SLC25A16: variants seen among roughly 807,000 people sequenced by gnomAD.
SLC25A16 encodes mitochondrial coenzyme A transporter SLC25A16.
Under a neutral mutation model 41.5 loss-of-function variants are expected in SLC25A16, and 39 were observed. The ratio of observed to expected loss-of-function variants is 0.94; its 90% CI spans 0.73 to 1.23. SLC25A16 has a LOEUF of 1.23. Ranked by LOEUF, SLC25A16 falls within the 50% of genes most tolerant of loss-of-function variation. The pLI, the probability that SLC25A16 is intolerant of heterozygous loss-of-function variation, is 0.00. For missense variants in SLC25A16, 421 were observed against 426.9 expected, an observed-to-expected ratio of 0.99 and a Z score of 0.12; for synonymous variants, 146 against 147.8, an observed-to-expected ratio of 0.99 and a Z score of 0.09.
At position 68,509,727 on chromosome 10, in the gene SLC25A16, C is replaced by CTA. The variant is rs556746216; in HGVS notation, c.224-3011_224-3010dup. ...CAAAAAAAAAAATCTATATATCTAT[C>CTA]TATCTATATATATATCTATATATAT... On this transcript the variant is annotated intron_variant, in intron 2 of 8. Coordinates refer to ENST00000609923, the MANE Select transcript of SLC25A16 (RefSeq NM_152707.4). Among the ~76,000 whole-genome samples, 649 of 140,068 alleles carry CTA rather than the reference C, an allele frequency of 4.6e-3. 7 individuals carry two copies. Among genetic ancestry groups the CTA allele is most frequent in the African/African-American group, 0.017 (610 of 36,966 alleles). The allele number at this position is 140,068 out of a possible 152,430, so 91.9% of individuals were successfully genotyped here.
chr10:68,490,337 G>C (rs935935301), intron 6 of SLC25A16, among the ~76,000 whole-genome samples: 3 of 150,754 alleles, frequency 2.0e-5, no homozygotes, highest in Non-Finnish European at 4.4e-5. Flanking sequence ...ACTGGGAAAA[G>C]AAGAGACTTT....
chr10:68,496,520 G>C (rs2052752030), intron 4 of SLC25A16: 1 of 984,422 alleles, frequency 1.0e-6, no homozygotes, highest in African/African-American at 1.7e-5. Context: ...TACCTACCAG[G>C]AAGCAATGAG....
At chr10:68,496,516 C>T in intron 4 of SLC25A16, 1 of 984,800 alleles carries the variant, frequency 1.0e-6, no homozygotes, top group Non-Finnish European at 1.2e-6. Context: ...TGTTTACCTA[C>T]CAGGAAGCAA....
intron 4 of SLC25A16, among the ~76,000 whole-genome samples, chr10:68,498,256 G>C (rs1358877278): frequency 6.6e-6 from 1 of 151,936 alleles, no homozygotes; most frequent in Admixed American, 6.6e-5. Context: ...CAAACACGTA[G>C]GAAGCTTGTT....
intron 2 of SLC25A16, among the ~76,000 whole-genome samples, chr10:68,511,199 C>T (rs1419078223): frequency 6.6e-6 from 1 of 152,140 alleles, no homozygotes; most frequent in East Asian, 1.9e-4. Context: ...CAAGATCACA[C>T]CATTGCACTC....
Position 68,503,708 on chromosome 10 carries a change from A to C in SLC25A16, c.358-13T>G. 3 of 1,541,192 alleles carry C rather than the reference A, an allele frequency of 1.9e-6. No homozygotes were observed. Among genetic ancestry groups the C allele is most frequent in the Non-Finnish European group, 2.7e-6 (3 of 1,117,794 alleles). On this transcript the variant is annotated splice_polypyrimidine_tract_variant and intron_variant, in intron 3 of 8. Transcript: ENST00000609923. ...TCGTAGTAATTAACTAGAAAACAAG[A>C]ACACTGAATTAAATGAGATATTTTT...
intron 6 of SLC25A16, 31 bp downstream of exon 6, chr10:68,493,101 A>C: frequency 7.7e-7 from 1 of 1,291,828 alleles, no homozygotes; most frequent in Non-Finnish European, 1.1e-6. Context: ...TTAAACATGC[A>C]TATTAGGATT....
intron 4 of SLC25A16, among the ~76,000 whole-genome samples, chr10:68,494,585 A>G (rs563195715): frequency 3.0e-4 from 45 of 149,344 alleles, no homozygotes; most frequent in African/African-American, 1.0e-3. Context: ...GGTTTAATAG[A>G]AAATCACTGT....
intron 8 of SLC25A16, among the ~76,000 whole-genome samples, chr10:68,485,681 C>T (rs908211318): frequency 5.9e-5 from 9 of 151,942 alleles, no homozygotes; most frequent in Non-Finnish European, 1.2e-4. Context: ...CTGCGACAGG[C>T]CTTTTTTGTT....
intron 8 of SLC25A16, among the ~76,000 whole-genome samples, chr10:68,486,545 T>C (rs2052566752): frequency 6.6e-6 from 1 of 151,954 alleles, no homozygotes; most frequent in African/African-American, 2.4e-5. Flanking sequence ...GGCTAATTTT[T>C]GTATTTTTAG....
intron 1 of SLC25A16, among the ~76,000 whole-genome samples, chr10:68,526,196 C>G (rs942748791): frequency 6.6e-6 from 1 of 151,280 alleles, no homozygotes; most frequent in Admixed American, 6.6e-5. Context: ...TGGAATGTCT[C>G]GGTATAAAAC....
rs1386270208 is a variant in SLC25A16 at position 68,479,321 on chromosome 10, A to C, written c.*4111T>G. 6.6e-6 allele frequency: 1 copy of C among 152,168 alleles called. No homozygotes were observed. The highest frequency in any genetic ancestry group is 1.5e-5 in the Non-Finnish European group (1 of 68,064). The allele number at this position is 152,168 out of a possible 1,614,324, so 9.4% of individuals were successfully genotyped here. A position where few individuals can be genotyped will look rare whatever the true frequency, so the allele number is the denominator to read the frequency against. ...GATATTGGGATGTGGGGACACTGAT[A>C]AACAGGCAGTTAGCAGAAAGTGTGG... On this transcript the variant is annotated 3_prime_UTR_variant, in exon 9 of 9. Coordinates refer to ENST00000609923, the MANE Select transcript of SLC25A16 (RefSeq NM_152707.4).
intron 7 of SLC25A16, 131 bp downstream of exon 7, chr10:68,488,331 TATTAA>T (rs2052599172): frequency 1.8e-6 from 1 of 560,246 alleles, no homozygotes; most frequent in African/African-American, 2.0e-5. Context: ...TGAAAAAATG[TATTAA>T]ATTGAGACCT....
rs1206561726 is a variant in SLC25A16 at position 68,481,340 on chromosome 10, A to G, written c.*2092T>C. Reference sequence around the variant, plus strand: ...ACTTATAAATCATACAAAGATACATACTTATTTTTAAAATAAAGGCTTTCA... The same window carrying G: ...ACTTATAAATCATACAAAGATACATGCTTATTTTTAAAATAAAGGCTTTCA... On this transcript the variant is annotated 3_prime_UTR_variant, in exon 9 of 9. Transcript: ENST00000609923. 6.6e-6 allele frequency: 1 copy of G among 152,158 alleles called. No individual in the cohort carries two copies. 9.4% of individuals were successfully genotyped at this position (152,158 alleles called of 1,614,324 possible). A position where few individuals can be genotyped will look rare whatever the true frequency, so the allele number is the denominator to read the frequency against.
intron 1 of SLC25A16, among the ~76,000 whole-genome samples, chr10:68,518,539 G>T (rs2053197897): frequency 6.6e-6 from 1 of 151,968 alleles, no homozygotes; most frequent in African/African-American, 2.4e-5. Context: ...ACTTTGGGAG[G>T]CCGAGGCGGG....
intron 6 of SLC25A16, among the ~76,000 whole-genome samples, chr10:68,489,139 C>G (rs1198424865): frequency 2.0e-5 from 3 of 152,086 alleles, no homozygotes; most frequent in African/African-American, 4.8e-5. Flanking sequence ...TGTGGTGGCG[C>G]ATGCCTGTAA....
At chr10:68,506,804 G>T in intron 2 of SLC25A16, 86 bp from the exon 3 acceptor site, 2 of 748,488 alleles carry the variant, frequency 2.7e-6, no homozygotes, top group South Asian at 2.4e-5. Flanking sequence ...AGATTAATGT[G>T]CCATCACTCA....
chr10:68,514,328 C>A lies in SLC25A16; in HGVS notation c.223+2423G>T, dbSNP rs191772621. Among the ~76,000 whole-genome samples, 132 of 152,092 alleles carry A rather than the reference C, an allele frequency of 8.7e-4. 2 individuals carry two copies. The highest frequency in any genetic ancestry group is 1.5e-3 in the Non-Finnish European group (99 of 67,996). ...TGGCCAATATGGTGAAACCCCGTAT[C>A]TACTAAAAAATACAAAAATTAGCCG... On this transcript the variant is annotated intron_variant, in intron 2 of 8. Coordinates refer to ENST00000609923, the MANE Select transcript of SLC25A16 (RefSeq NM_152707.4).
Position 68,527,511 on chromosome 10 carries a change from G to T in SLC25A16, c.-136C>A. On this transcript the variant is annotated 5_prime_UTR_variant, in exon 1 of 9. Transcript: ENST00000609923. ...AGTAACACCCGGCGGCGCGGCGCCG[G>T]CTGATGGCGTACAGCAAGGGCGGGG... The T allele has an allele frequency of 1.2e-6, 1 of 808,884 alleles. No individual in the cohort carries two copies. Among genetic ancestry groups the T allele is most frequent in the Non-Finnish European group, 1.8e-6 (1 of 549,942 alleles). The allele number at this position is 808,884 out of a possible 1,614,324, so 50.1% of individuals were successfully genotyped here. A position where few individuals can be genotyped will look rare whatever the true frequency, so the allele number is the denominator to read the frequency against.
Sources: allele counts gnomAD v4.1 joint callset (sites outside exome capture counted in the v4.1 genomes callset), GRCh38; gene constraint gnomAD v4.1.1; transcripts MANE v1.5; gene names NCBI Gene and HGNC (gene_info 2026-07-23, HGNC 2026-07-21).